Variants in SUCLG2 observed in about 807,000 individuals in gnomAD.
SUCLG2 encodes the protein succinate-CoA ligase GDP-forming subunit beta.
A neutral mutation model predicts 47.9 loss-of-function variants in SUCLG2; 42 were observed. That is an observed-to-expected ratio of 0.88 (90% CI 0.69 to 1.14). The LOEUF (loss-of-function observed/expected upper bound fraction) is 1.14, where lower values mean the gene tolerates loss of function less well. Among genes scored for constraint, SUCLG2 ranks in the 50% most tolerant of loss-of-function variants. SUCLG2 has a pLI of 0.00. For synonymous variants in SUCLG2, 195 were observed against 197.3 expected, an observed-to-expected ratio of 0.99 and a Z score of 0.10; for missense variants, 571 against 525.9, an observed-to-expected ratio of 1.09 and a Z score of -0.84.
chr3:67,448,331 T>C (rs905235471), intron 9 of SUCLG2, among the ~76,000 whole-genome samples: 1 of 152,214 alleles, frequency 6.6e-6, no homozygotes, highest in Non-Finnish European at 1.5e-5. Flanking sequence ...AATACATATA[T>C]GATGGGTCCA....
intron 1 of SUCLG2, among the ~76,000 whole-genome samples, chr3:67,633,786 G>T (rs1700965018): frequency 6.6e-6 from 1 of 152,120 alleles, no homozygotes; most frequent in East Asian, 1.9e-4. Context: ...GTCAATGTGG[G>T]TCTCGCTCAG....
At chr3:67,577,443 CTA>C (rs1023156502) in intron 2 of SUCLG2, among the ~76,000 whole-genome samples, 3 of 151,686 alleles carry the variant, frequency 2.0e-5, no homozygotes, top group Admixed American at 6.6e-5. Context: ...GAATCATGAG[CTA>C]GAGAGAAAAA....
chr3:67,593,149 C>A (rs1708212029), intron 2 of SUCLG2, among the ~76,000 whole-genome samples: 1 of 152,186 alleles, frequency 6.6e-6, no homozygotes, highest in Non-Finnish European at 1.5e-5. Flanking sequence ...TACCACATTA[C>A]ATGTCTATAA....
intron 10 of SUCLG2, among the ~76,000 whole-genome samples, chr3:67,390,000 T>C (rs1702345383): frequency 6.6e-6 from 1 of 152,152 alleles, no homozygotes; most frequent in South Asian, 2.1e-4. Flanking sequence ...AAATGAGATG[T>C]GATGGAAAAA....
At chr3:67,475,882 A>G (rs1458844631) in intron 9 of SUCLG2, among the ~76,000 whole-genome samples, 1 of 152,080 alleles carries the variant, frequency 6.6e-6, no homozygotes, top group East Asian at 1.9e-4. Flanking sequence ...AAGTGTGTAC[A>G]GTTATAAACC....
chr3:67,476,320 C>T (rs189119656), intron 9 of SUCLG2, among the ~76,000 whole-genome samples: 114 of 152,108 alleles, frequency 7.5e-4, no homozygotes, highest in African/African-American at 2.2e-3. Flanking sequence ...GCCTCCTGTC[C>T]GATCAGTGGC....
At chr3:67,385,530 A>T (rs1271345025) in intron 10 of SUCLG2, among the ~76,000 whole-genome samples, 2 of 152,240 alleles carry the variant, frequency 1.3e-5, no homozygotes, top group African/African-American at 4.8e-5. Context: ...TGGCATGGGT[A>T]GTCCCGCCCC....
chr3:67,436,543 T>C (rs1045071891), intron 9 of SUCLG2, among the ~76,000 whole-genome samples: 1 of 152,178 alleles, frequency 6.6e-6, no homozygotes. Context: ...AGGATTCGGA[T>C]TGGGAGGAAC....
chr3:67,390,440 A>C (rs1277988332), intron 10 of SUCLG2, among the ~76,000 whole-genome samples: 1 of 152,230 alleles, frequency 6.6e-6, no homozygotes, highest in Admixed American at 6.5e-5. Context: ...CCAGTGGATA[A>C]GGAAAGGATT....
chr3:67,377,929 C>T (rs1183432065), intron 10 of SUCLG2, among the ~76,000 whole-genome samples: 2 of 152,190 alleles, frequency 1.3e-5, no homozygotes, highest in Admixed American at 6.5e-5. Flanking sequence ...GCTGGGATTA[C>T]AGGCATGAGC....
At chr3:67,596,216 CT>C (rs1708288917) in intron 2 of SUCLG2, among the ~76,000 whole-genome samples, 1 of 152,216 alleles carries the variant, frequency 6.6e-6, no homozygotes, top group East Asian at 1.9e-4. Context: ...GCCTTCTACA[CT>C]TCCATCGGAA....
At chr3:67,518,606 T>C (rs1035726628) in intron 5 of SUCLG2, among the ~76,000 whole-genome samples, 7 of 152,250 alleles carry the variant, frequency 4.6e-5, no homozygotes, top group African/African-American at 1.7e-4. Flanking sequence ...TTAATTACTA[T>C]ACAGATGGCA....
chr3:67,410,215 C>G (rs1378910194), intron 9 of SUCLG2, among the ~76,000 whole-genome samples: 1 of 152,130 alleles, frequency 6.6e-6, no homozygotes, highest in Non-Finnish European at 1.5e-5. Context: ...CTAATCATTT[C>G]ATTATTTAGG....
intron 9 of SUCLG2, among the ~76,000 whole-genome samples, chr3:67,402,592 A>C (rs1292249437): frequency 6.6e-6 from 1 of 152,254 alleles, no homozygotes; most frequent in African/African-American, 2.4e-5. Context: ...AAATAACTGT[A>C]GGATGGAGAG....
chr3:67,385,505 T>C (rs1049378567), intron 10 of SUCLG2, among the ~76,000 whole-genome samples: 1 of 152,166 alleles, frequency 6.6e-6, no homozygotes, highest in Non-Finnish European at 1.5e-5. Context: ...GACTGAATAT[T>C]TGAATGGAGA....
chr3:67,552,375 T>A (rs1358370100), intron 2 of SUCLG2, among the ~76,000 whole-genome samples: 1 of 152,116 alleles, frequency 6.6e-6, no homozygotes, highest in Non-Finnish European at 1.5e-5. Context: ...CAAATTATAA[T>A]AAAACAAGGC....
chr3:67,502,476 C>G (rs193156687), intron 7 of SUCLG2, among the ~76,000 whole-genome samples: 223 of 152,282 alleles, frequency 1.5e-3, no homozygotes, highest in African/African-American at 4.2e-3. Flanking sequence ...CTCTTAAACC[C>G]GAGCCTTGTC....
At chr3:67,406,471 G>A (rs184231833) in intron 9 of SUCLG2, among the ~76,000 whole-genome samples, 10 of 152,316 alleles carry the variant, frequency 6.6e-5, no homozygotes, top group East Asian at 1.9e-4. Flanking sequence ...GTGAGGGAGG[G>A]CCTCTCATAG....
chr3:67,512,429 T>G (rs1705817700), intron 6 of SUCLG2, among the ~76,000 whole-genome samples: 1 of 151,048 alleles, frequency 6.6e-6, no homozygotes, highest in Admixed American at 6.6e-5. Context: ...GGCAGGCATC[T>G]TATGTATCCT....
Sources: gnomAD v4.1 joint callset for allele counts (sites outside exome capture counted in the v4.1 genomes callset) on GRCh38, gnomAD v4.1.1 for gene constraint, MANE v1.5 for transcripts, NCBI Gene and HGNC (gene_info 2026-07-23, HGNC 2026-07-21) for gene names.